Variants in ACER2 observed in about 807,000 individuals in gnomAD.
The protein encoded by ACER2 is alkCDase 2.
In ACER2, 26 loss-of-function variants were observed where a neutral mutation model predicts 34.7. The observed-to-expected ratio is 0.75, with a 90% CI of 0.55 to 1.04. The LOEUF is 1.04. Ranked by LOEUF, ACER2 falls within the 50% of genes least tolerant of loss-of-function variation. The pLI is 0.00. For synonymous variants in ACER2, 138 were observed against 132.1 expected (o/e 1.04, Z -0.31); for missense variants, 352 against 340.8 (o/e 1.03, Z -0.26).
intron 4 of ACER2, among the ~76,000 whole-genome samples, chr9:19,443,337 A>T (rs1831222348): frequency 6.6e-6 from 1 of 151,174 alleles, no homozygotes; most frequent in African/African-American, 2.4e-5. Flanking sequence ...CGGCACATTT[A>T]TTGTGTTTTT....
At chr9:19,434,764 CT>C (rs36053802) in intron 3 of ACER2, among the ~76,000 whole-genome samples, 182 bp from the exon 4 acceptor site, 36,921 of 148,800 alleles carry the variant, frequency 0.25, 5,391 homozygotes, top group African/African-American at 0.41. Flanking sequence ...GAGACCCTCT[CT>C]TTTTTTTTTT....
At chr9:19,447,638 G>C (rs1395087847) in intron 5 of ACER2, among the ~76,000 whole-genome samples, 1 of 152,126 alleles carries the variant, frequency 6.6e-6, no homozygotes, top group South Asian at 2.1e-4. Flanking sequence ...AGGTAAATAT[G>C]ACCTCATTCA....
At chr9:19,435,530 A>T (rs566892630) in intron 4 of ACER2, among the ~76,000 whole-genome samples, 110 of 152,304 alleles carry the variant, frequency 7.2e-4, no homozygotes, top group African/African-American at 2.5e-3. Flanking sequence ...TCTCATTTAC[A>T]ATCTATTAGG....
chr9:19,436,099 T>A (rs1262019482), intron 4 of ACER2, among the ~76,000 whole-genome samples: 3 of 151,214 alleles, frequency 2.0e-5, no homozygotes, highest in African/African-American at 7.3e-5. Context: ...TTTTTTTTTC[T>A]TAATAGAGAC....
At chr9:19,446,206 A>G in intron 4 of ACER2, 75 bp from the exon 5 acceptor site, 1 of 1,607,978 alleles carries the variant, frequency 6.2e-7, no homozygotes, top group East Asian at 2.2e-5. Flanking sequence ...CCAGCGAAGG[A>G]GACACAGGAA....
rs146609248 is a variant in ACER2, at chr9:19,444,543, A to G, written c.504-1738A>G. The stretch of plus-strand genomic sequence containing the variant: ...TCATAATGTTTTAAGAAAGTTTACA[A>G]ATTTGTGTTGGGCCTCATTCGAAAC... On this transcript the variant is annotated intron_variant, in intron 4 of 5. Transcript: ENST00000340967. 3.7e-3 allele frequency among the ~76,000 whole-genome samples: 568 copies of G among 152,274 alleles called. 6 individuals carry two copies. The highest frequency in any genetic ancestry group is 0.012 in the African/African-American group (517 of 41,558).
intron 4 of ACER2, among the ~76,000 whole-genome samples, chr9:19,440,847 A>C (rs1278853225): frequency 6.6e-6 from 1 of 152,012 alleles, no homozygotes; most frequent in Non-Finnish European, 1.5e-5. Context: ...TAACCTGTCT[A>C]ATTCCATGTA....
In ACER2 at chr9:19,433,895, C is replaced by G. The variant is rs953778772; in HGVS notation, c.366-1052C>G. Among the ~76,000 whole-genome samples the G allele has an allele frequency of 9.1e-4, 137 of 151,340 alleles. 1 individual carries two copies. Among genetic ancestry groups the G allele is most frequent in the Middle Eastern group, 3.5e-3 (1 of 284 alleles). ...GCCCCTCACCTCCCGGACGGGGCGG[C>G]TGGCCGGGTAGGGGGCTGACCTCCT... On this transcript the variant is annotated intron_variant, in intron 3 of 5. Coordinates refer to ENST00000340967, the MANE Select transcript of ACER2 (RefSeq NM_001010887.3).
At chr9:19,431,887 C>A (rs1830765485) in intron 3 of ACER2, among the ~76,000 whole-genome samples, 1 of 152,190 alleles carries the variant, frequency 6.6e-6, no homozygotes, top group Non-Finnish European at 1.5e-5. Flanking sequence ...GAATTTCATT[C>A]AAATTGGCTT....
At chr9:19,436,396 G>A (rs1830977011) in intron 4 of ACER2, among the ~76,000 whole-genome samples, 1 of 152,062 alleles carries the variant, frequency 6.6e-6, no homozygotes, top group Non-Finnish European at 1.5e-5. Context: ...CACTTATTCA[G>A]GAAAATTAAT....
chr9:19,414,845 CA>C (rs34308694), intron 1 of ACER2, among the ~76,000 whole-genome samples: 8,879 of 111,796 alleles, frequency 0.079, 335 homozygotes, highest in Non-Finnish European at 0.12. Context: ...GACTCCGCCT[CA>C]AAAAAAAAAA....
At position 19,433,713 on chromosome 9, in the gene ACER2, A is replaced by G. The variant is rs866670795; in HGVS notation, c.366-1234A>G. ...TGGTGGCCGGGCAGAGGGGCTCCTCACTTCCCAGTAGGGGCGGCCGGGCAG... is the reference window on the plus strand; with the variant it reads ...TGGTGGCCGGGCAGAGGGGCTCCTCGCTTCCCAGTAGGGGCGGCCGGGCAG... On this transcript the variant is annotated intron_variant, in intron 3 of 5. Coordinates refer to ENST00000340967, the MANE Select transcript of ACER2 (RefSeq NM_001010887.3). Among the ~76,000 whole-genome samples the G allele has an allele frequency of 1.4e-3, 209 of 151,672 alleles. 1 individual carries two copies. Among genetic ancestry groups the G allele is most frequent in the Middle Eastern group, 6.8e-3 (2 of 294 alleles).
chr9:19,409,834 G>A, intron 1 of ACER2: 22 of 985,340 alleles, frequency 2.2e-5, no homozygotes, highest in Non-Finnish European at 2.7e-5. Context: ...CTCCAGTTCT[G>A]AAGTCTGAGG....
chr9:19,450,691 T>C lies in ACER2; in HGVS notation c.*55T>C. The C allele has an allele frequency of 6.8e-7, 1 of 1,462,160 alleles. No homozygotes were observed. Among genetic ancestry groups the C allele is most frequent in the Non-Finnish European group, 9.2e-7 (1 of 1,083,028 alleles). The allele number at this position is 1,462,160 out of a possible 1,614,324, so 90.6% of individuals were successfully genotyped here. The stretch of plus-strand genomic sequence containing the variant: ...ATCGCCCCTCATGCAGTGGGCTTCC[T>C]TTGCTAGGAAGACAGCCAAGGGAGT... On this transcript the variant is annotated 3_prime_UTR_variant, in exon 6 of 6. Coordinates refer to ENST00000340967, the MANE Select transcript of ACER2 (RefSeq NM_001010887.3).
Position 19,409,248 on chromosome 9 carries a change from G to A in ACER2, c.108+56G>A, listed in dbSNP as rs757755326. 6.6e-6 allele frequency: 10 copies of A among 1,506,146 alleles called. No individual in the cohort carries two copies. The Middle Eastern group carries it at 8.8e-4, about 132-fold the overall frequency. 93.3% of individuals were successfully genotyped at this position (1,506,146 alleles called of 1,614,324 possible). ...GGGCCAGCGGGAGGGGGCTGTTCCC[G>A]CGCCGCAGCGTCTGGAAGCTGGACG... On this transcript the variant is annotated intron_variant, in intron 1 of 5. Coordinates refer to ENST00000340967, the MANE Select transcript of ACER2 (RefSeq NM_001010887.3).
intron 1 of ACER2, among the ~76,000 whole-genome samples, chr9:19,419,675 A>G (rs1830342328): frequency 6.6e-6 from 1 of 152,202 alleles, no homozygotes; most frequent in Non-Finnish European, 1.5e-5. Flanking sequence ...AGGCAGGAGA[A>G]TTGCTTGAAG....
intron 3 of ACER2, among the ~76,000 whole-genome samples, chr9:19,432,099 C>G (rs538963188): frequency 6.6e-6 from 1 of 152,158 alleles, no homozygotes; most frequent in Admixed American, 6.5e-5. Flanking sequence ...GATCACGTCG[C>G]CACTTCCGGC....
intron 3 of ACER2, among the ~76,000 whole-genome samples, chr9:19,431,070 C>A (rs1280223216): frequency 2.0e-5 from 3 of 152,050 alleles, no homozygotes; most frequent in Non-Finnish European, 4.4e-5. Context: ...TCTGTGGAGC[C>A]TTTGGTGATT....
At chr9:19,429,158 A>G (rs1830673720) in intron 3 of ACER2, among the ~76,000 whole-genome samples, 1 of 152,032 alleles carries the variant, frequency 6.6e-6, no homozygotes, top group African/African-American at 2.4e-5. Context: ...CATTATGTCA[A>G]TAGGATATAA....
Sources: allele counts gnomAD v4.1 joint callset (sites outside exome capture counted in the v4.1 genomes callset), GRCh38; gene constraint gnomAD v4.1.1; transcripts MANE v1.5; gene names NCBI Gene and HGNC (gene_info 2026-07-23, HGNC 2026-07-21).